The following RASL12 variants were observed in gnomAD, a reference collection of about 807,000 sequenced individuals.
RASL12 encodes the protein RAS like family 12, also known as ras-like protein family member 12.
Under a neutral mutation model 22.9 loss-of-function variants are expected in RASL12, and 16 were observed. The observed-to-expected ratio is 0.70, with a 90% CI of 0.47 to 1.06. RASL12 has a LOEUF of 1.06. RASL12 is among the 50% of genes least tolerant of loss of function. The pLI is 0.00. For missense variants in RASL12, 306 were observed against 353.1 expected, an observed-to-expected ratio of 0.87 and a Z score of 1.07; for synonymous variants, 159 against 152.2, an observed-to-expected ratio of 1.04 and a Z score of -0.33.
chr15:65,052,364 G>A, downstream of RASL12, among the ~76,000 whole-genome samples: 1 of 150,940 alleles, frequency 6.6e-6, no homozygotes, highest in Non-Finnish European at 1.5e-5. Flanking sequence ...GAGTCAGGAG[G>A]CTTAAGTGCA....
chr15:65,056,021 G>A (rs563981096), intron 4 of RASL12, among the ~76,000 whole-genome samples: 44 of 152,264 alleles, frequency 2.9e-4, no homozygotes, highest in African/African-American at 1.0e-3. Context: ...AGAATATCCG[G>A]AACTTGGGAA....
chr15:65,062,169 C>A (rs887256249), intron 2 of RASL12, among the ~76,000 whole-genome samples: 5 of 152,102 alleles, frequency 3.3e-5, no homozygotes, highest in Non-Finnish European at 5.9e-5. Context: ...AGATGAGGCA[C>A]CCTCAGCCCT....
In RASL12 at chr15:65,067,935, A is replaced by G; in HGVS notation, c.-100T>C. ...GGGAGCGGGATGCAGGCTTCCCTGG[A>G]GCGCGCGGCCCCGGACCCGTCGGCG... On this transcript the variant is annotated 5_prime_UTR_variant, in exon 1 of 5. Coordinates refer to ENST00000220062, the MANE Select transcript of RASL12 (RefSeq NM_016563.4). 1 of 1,284,338 alleles carries G rather than the reference A, an allele frequency of 7.8e-7. No homozygotes were observed. The highest frequency in any genetic ancestry group is 2.3e-5 in the South Asian group (1 of 43,446). The allele number at this position is 1,284,338 out of a possible 1,614,324, so 79.6% of individuals were successfully genotyped here. A position where few individuals can be genotyped will look rare whatever the true frequency, so the allele number is the denominator to read the frequency against.
At position 65,054,132 on chromosome 15, in the gene RASL12, T is replaced by C. The variant is rs1025365377; in HGVS notation, c.*767A>G. Reference sequence around the variant, plus strand: ...TGACAACTTTCTTCTGCAGCCTGGATCATTAAGCTTGAGGGAGCTGATGCT... The same window carrying C: ...TGACAACTTTCTTCTGCAGCCTGGACCATTAAGCTTGAGGGAGCTGATGCT... On this transcript the variant is annotated 3_prime_UTR_variant, in exon 5 of 5. Coordinates refer to ENST00000220062, the MANE Select transcript of RASL12 (RefSeq NM_016563.4). 1.0e-6 allele frequency: 1 copy of C among 985,930 alleles called. No homozygotes were observed. The highest frequency in any genetic ancestry group is 1.2e-6 in the Non-Finnish European group (1 of 829,998). 61.1% of individuals were successfully genotyped at this position (985,930 alleles called of 1,614,324 possible). A position where few individuals can be genotyped will look rare whatever the true frequency, so the allele number is the denominator to read the frequency against.
At chr15:65,061,531 T>G (rs919610497) in intron 2 of RASL12, among the ~76,000 whole-genome samples, 6 of 152,182 alleles carry the variant, frequency 3.9e-5, no homozygotes, top group African/African-American at 1.4e-4. Context: ...ATGTCCAGAC[T>G]TCCTATCATC....
At chr15:65,076,662 G>T in exon 1 of RASL12, 1 of 764,756 alleles carries the variant, frequency 1.3e-6, no homozygotes, top group South Asian at 1.6e-5. Flanking sequence ...CAGCCATACA[G>T]CCTGCGGGCC....
chr15:65,063,940 G>A (rs1461643963), intron 2 of RASL12, among the ~76,000 whole-genome samples: 3 of 152,186 alleles, frequency 2.0e-5, no homozygotes, highest in Non-Finnish European at 4.4e-5. Flanking sequence ...AAAGCCTTGG[G>A]CTTCTTTGGA....
downstream of RASL12, chr15:65,053,286 CTT>C (rs368374478): frequency 6.6e-6 from 7 of 1,067,530 alleles, no homozygotes; most frequent in African/African-American, 3.3e-5. Context: ...TTCTTTCTTT[CTT>C]TTTTTTTTTC....
chr15:65,045,648 G>A, the RASL12 span: 1 of 152,278 alleles, frequency 6.6e-6, no homozygotes, highest in Non-Finnish European at 1.5e-5. Context: ...ACAGTCCAAT[G>A]GCACGATGGT....
At chr15:65,076,210 C>T (rs571091103) in intron 1 of RASL12, among the ~76,000 whole-genome samples, 28 of 152,328 alleles carry the variant, frequency 1.8e-4, no homozygotes, top group South Asian at 4.1e-4. Flanking sequence ...ACACTGTGGA[C>T]GCTTTATTCT....
In RASL12 at chr15:65,059,365, C is replaced by A. The variant is rs778582271; in HGVS notation, c.214G>T (p.Val72Phe). The change falls in exon 3 of 5, where the codon GTC becomes TTC. Residue 72 changes from valine to phenylalanine, a missense_variant. Transcript: ENST00000220062. ...GTTACCAGGTCTGCAGTGTCCATGACCCTCAGGTGGACAGGCTGGTGGTCC... is the reference window on the plus strand; with the variant it reads ...GTTACCAGGTCTGCAGTGTCCATGAACCTCAGGTGGACAGGCTGGTGGTCC... Reference protein sequence around the residue: ...TVDHQPVHLRVMDTADLDTPR... With the variant: ...TVDHQPVHLRFMDTADLDTPR... The A allele has an allele frequency of 1.9e-6, 3 of 1,614,042 alleles. No homozygotes were observed. In the East Asian group the frequency reaches 6.7e-5, roughly 36 times the overall value.
downstream of RASL12, among the ~76,000 whole-genome samples, chr15:65,052,014 G>A (rs1418493849): frequency 6.6e-6 from 1 of 152,162 alleles, no homozygotes; most frequent in Non-Finnish European, 1.5e-5. Flanking sequence ...TACCACCGCT[G>A]GGTCCCTCCA....
chr15:65,060,600 C>A (rs374419850), intron 2 of RASL12, among the ~76,000 whole-genome samples: 1 of 152,200 alleles, frequency 6.6e-6, no homozygotes, highest in African/African-American at 2.4e-5. Context: ...ATTCTCTGCA[C>A]CCCCAATCTG....
In RASL12 at chr15:65,067,897, C is replaced by A; in HGVS notation, c.-62G>T. ...GTGGGCCCCGCGCAGTGCGCCCGCC[C>A]GTCGGGGCCCAGGGGAGCGGGATGC... On this transcript the variant is annotated 5_prime_UTR_variant, in exon 1 of 5. Transcript: ENST00000220062. 1 of 1,372,038 alleles carries A rather than the reference C, an allele frequency of 7.3e-7. No homozygotes were observed. Among genetic ancestry groups the A allele is most frequent in the South Asian group, 1.7e-5 (1 of 58,690 alleles). 85.0% of individuals were successfully genotyped at this position (1,372,038 alleles called of 1,614,324 possible).
intron 1 of RASL12, 33 bp from the exon 2 acceptor site, chr15:65,065,306 C>T: frequency 6.3e-7 from 1 of 1,599,602 alleles, no homozygotes; most frequent in Non-Finnish European, 8.5e-7. Flanking sequence ...GGCTCCATCT[C>T]CGCGGCCATG....
At chr15:65,059,461 G>T in intron 2 of RASL12, 43 bp from the exon 3 acceptor site, 1 of 1,513,114 alleles carries the variant, frequency 6.6e-7, no homozygotes, top group Non-Finnish European at 9.2e-7. Context: ...AGTGCCTTGG[G>T]TGTAAGTTTG....
At chr15:65,060,663 T>C (rs2086791678) in intron 2 of RASL12, among the ~76,000 whole-genome samples, 1 of 152,196 alleles carries the variant, frequency 6.6e-6, no homozygotes, top group African/African-American at 2.4e-5. Flanking sequence ...CACCTTTCCC[T>C]AGGTGTCCCC....
downstream of RASL12, chr15:65,051,384 C>G (rs1464252694): frequency 5.0e-6 from 4 of 807,090 alleles, no homozygotes; most frequent in Non-Finnish European, 8.2e-6. Flanking sequence ...AGGGGCCCAT[C>G]TTTGATTAGG....
At chr15:65,055,966 A>C (rs1028240791) in intron 4 of RASL12, among the ~76,000 whole-genome samples, 1 of 152,040 alleles carries the variant, frequency 6.6e-6, no homozygotes, top group African/African-American at 2.4e-5. Context: ...AGGGGGCAAC[A>C]CCTATTCTGC....
Sources: allele counts gnomAD v4.1 joint callset (sites outside exome capture counted in the v4.1 genomes callset), GRCh38; gene constraint gnomAD v4.1.1; transcripts MANE v1.5; gene names NCBI Gene and HGNC (gene_info 2026-07-23, HGNC 2026-07-21).